N4BP1: variants seen among roughly 807,000 people sequenced by gnomAD.
The protein encoded by N4BP1 is NEDD4 binding protein 1.
N4BP1 carries 21 observed loss-of-function variants against 70.9 expected under a neutral mutation model. The ratio of observed to expected loss-of-function variants is 0.30; its 90% CI spans 0.21 to 0.43. N4BP1 has a LOEUF of 0.43. N4BP1 is among the 20% of genes least tolerant of loss of function. N4BP1 has a pLI of 1.00. For synonymous variants in N4BP1, 387 were observed against 394.6 expected, an observed-to-expected ratio of 0.98 and a Z score of 0.23; for missense variants, 936 against 1,069.4, an observed-to-expected ratio of 0.88 and a Z score of 1.74.
chr16:48,599,429 A>G (rs1307922915), intron 1 of N4BP1, among the ~76,000 whole-genome samples: 1 of 152,220 alleles, frequency 6.6e-6, no homozygotes, highest in Non-Finnish European at 1.5e-5. Flanking sequence ...AGTCCACATA[A>G]GCAGGAGAAA....
chr16:48,545,985 G>A (rs1963585729), intron 6 of N4BP1, 162 bp downstream of exon 6: 2 of 487,786 alleles, frequency 4.1e-6, no homozygotes, highest in Admixed American at 3.9e-5. Context: ...CCGAAATCAC[G>A]CCACTGCATT....
At chr16:48,592,205 G>C (rs933418149) in intron 1 of N4BP1, among the ~76,000 whole-genome samples, 1 of 152,106 alleles carries the variant, frequency 6.6e-6, no homozygotes, top group Non-Finnish European at 1.5e-5. Context: ...ATCTAGCCTG[G>C]GTGACAGGGC....
In N4BP1 at chr16:48,561,135, T is replaced by A; in HGVS notation, c.1508A>T (p.Glu503Val). 6.2e-7 allele frequency: 1 copy of A among 1,614,002 alleles called. No individual in the cohort carries two copies. The highest frequency in any genetic ancestry group is 8.5e-7 in the Non-Finnish European group (1 of 1,179,880). Residue 503 changes from glutamate (E) to valine (V), a missense_variant, in exon 2 of 7, where the codon GAA becomes GTA. Around this residue, in one of 4 missense-constraint regions of N4BP1, gnomAD observed 515 missense variants for 491.7 expected, o/e 1.05. Coordinates refer to ENST00000262384, the MANE Select transcript of N4BP1 (RefSeq NM_153029.4). The stretch of plus-strand genomic sequence containing the variant: ...AGCTCCCCTTGAAACAAAATTGACT[T>A]CTTTGGGACTTGGAGAGGCAACAGA... ...SPSVASPSPK[E>V]VNFVSRGASS... is the part of the protein sequence containing the mutation.
chr16:48,569,236 C>T (rs886874304), intron 1 of N4BP1, among the ~76,000 whole-genome samples: 12 of 152,186 alleles, frequency 7.9e-5, no homozygotes, highest in African/African-American at 2.2e-4. Context: ...TGCAAAATTA[C>T]GTTTTGAAAC....
Position 48,572,082 on chromosome 16 carries a change from C to T in N4BP1, c.199-9638G>A, listed in dbSNP as rs942629295. 5.9e-5 allele frequency among the ~76,000 whole-genome samples: 9 copies of T among 152,086 alleles called. No individual in the cohort carries two copies. The South Asian group carries it at 1.0e-3, about 18-fold the overall frequency. On this transcript the variant is annotated intron_variant, in intron 1 of 6. Coordinates refer to ENST00000262384, the MANE Select transcript of N4BP1 (RefSeq NM_153029.4). ...AGGCATGGTGGCATGTGCCTGTAGT[C>T]CCAGCCACCCGGAGACTGAGGTGAG...
intron 2 of N4BP1, among the ~76,000 whole-genome samples, chr16:48,560,184 C>T (rs565414569): frequency 6.6e-6 from 1 of 152,092 alleles, no homozygotes; most frequent in Non-Finnish European, 1.5e-5. Context: ...CTAGAAACAA[C>T]AGGTTCATTA....
chr16:48,561,144 C>T lies in N4BP1; in HGVS notation c.1499G>A (p.Ser500Asn), dbSNP rs745933167. The T allele has an allele frequency of 2.5e-6, 4 of 1,613,862 alleles. No homozygotes were observed. The highest frequency in any genetic ancestry group is 3.4e-6 in the Non-Finnish European group (4 of 1,179,894). Residue 500 changes from serine (S) to asparagine (N), a missense_variant, in exon 2 of 7, where the codon AGT (serine) becomes AAT (asparagine). By Grantham distance (46) the Ser-to-Asn change is conservative. Transcript: ENST00000262384. Reference sequence around the variant, plus strand: ...TGAAACAAAATTGACTTCTTTGGGACTTGGAGAGGCAACAGAAGGTGAAAG... The same window carrying T: ...TGAAACAAAATTGACTTCTTTGGGATTTGGAGAGGCAACAGAAGGTGAAAG... Reference protein sequence around the residue: ...DGLSPSVASPSPKEVNFVSRG... With the variant: ...DGLSPSVASPNPKEVNFVSRG...
chr16:48,550,999 A>T (rs1963658064), intron 4 of N4BP1, among the ~76,000 whole-genome samples: 1 of 152,178 alleles, frequency 6.6e-6, no homozygotes, highest in Admixed American at 6.5e-5. Flanking sequence ...TATTATGTAG[A>T]AGAAACCCTG....
intron 1 of N4BP1, among the ~76,000 whole-genome samples, chr16:48,579,679 C>CA (rs763939497): frequency 0.014 from 1,859 of 129,818 alleles, 18 homozygotes; most frequent in Non-Finnish European, 0.019. Context: ...AGAAAAATGA[C>CA]AAAAAAAAAA....
intron 6 of N4BP1, among the ~76,000 whole-genome samples, chr16:48,543,862 A>G (rs1963549347): frequency 1.3e-5 from 2 of 152,122 alleles, no homozygotes; most frequent in South Asian, 4.1e-4. Flanking sequence ...AGCTCAACTA[A>G]CTTCAACAGC....
In N4BP1 at chr16:48,542,018, A is replaced by G. The variant is rs1963506876; in HGVS notation, c.*886T>C. 1 of 152,684 alleles carries G rather than the reference A, an allele frequency of 6.5e-6. No individual in the cohort carries two copies. The highest frequency in any genetic ancestry group is 2.4e-5 in the African/African-American group (1 of 41,460). 9.5% of individuals were successfully genotyped at this position (152,684 alleles called of 1,614,324 possible). A position where few individuals can be genotyped will look rare whatever the true frequency, so the allele number is the denominator to read the frequency against. Reference sequence around the variant, plus strand: ...GGCCACAGTGACCGGGCTCTTCATTAAACTTCCTCATAACCCGCTACGGTG... The same window carrying G: ...GGCCACAGTGACCGGGCTCTTCATTGAACTTCCTCATAACCCGCTACGGTG... On this transcript the variant is annotated 3_prime_UTR_variant, in exon 7 of 7. Coordinates refer to ENST00000262384, the MANE Select transcript of N4BP1 (RefSeq NM_153029.4).
intron 2 of N4BP1, among the ~76,000 whole-genome samples, chr16:48,557,056 T>C (rs1963763862): frequency 6.6e-6 from 1 of 152,102 alleles, no homozygotes; most frequent in Non-Finnish European, 1.5e-5. Context: ...AAGAACAAGG[T>C]ATACAAAATT....
rs1047899553 is a variant in N4BP1, at chr16:48,542,770, AT to A, written c.*133del. ...GAAAACCCAGATTTATACCCAAAAC[AT>A]TTTTTTTCTGTACAACTGCGTTTAC... is the stretch of plus-strand genomic sequence containing the variant. On this transcript the variant is annotated 3_prime_UTR_variant, in exon 7 of 7. Coordinates refer to ENST00000262384, the MANE Select transcript of N4BP1 (RefSeq NM_153029.4). 17 of 790,728 alleles carry A rather than the reference AT, an allele frequency of 2.1e-5. No individual in the cohort carries two copies. The highest frequency in any genetic ancestry group is 7.2e-5 in the Admixed American group (2 of 27,934). 49.0% of individuals were successfully genotyped at this position (790,728 alleles called of 1,614,324 possible).
rs1963840655 is a variant in N4BP1, at chr16:48,560,675, A to G, written c.1889+79T>C. The G allele has an allele frequency of 4.7e-6, 7 of 1,495,644 alleles. No homozygotes were observed. In the South Asian group the frequency reaches 6.7e-5, roughly 14 times the overall value. The allele number at this position is 1,495,644 out of a possible 1,614,324, so 92.6% of individuals were successfully genotyped here. On this transcript the variant is annotated intron_variant, in intron 2 of 6. Coordinates refer to ENST00000262384, the MANE Select transcript of N4BP1 (RefSeq NM_153029.4). Reference sequence around the variant, plus strand: ...TCAACTATATACAACATGTATGTATAGTTCCCATATACATGTGATTCTGAG... The same window carrying G: ...TCAACTATATACAACATGTATGTATGGTTCCCATATACATGTGATTCTGAG...
chr16:48,610,109 C>A lies in N4BP1; in HGVS notation c.-137G>T. On this transcript the variant is annotated 5_prime_UTR_variant, in exon 1 of 7. Transcript: ENST00000262384. ...TCGCCCCCGCCCGCGCCCCGCCGCC[C>A]GCCCTCAGGCCCGGCTATACCATCC... The A allele has an allele frequency of 3.6e-6, 1 of 278,250 alleles. No individual in the cohort carries two copies. Among genetic ancestry groups the A allele is most frequent in the South Asian group, 1.3e-4 (1 of 7,966 alleles). 17.2% of individuals were successfully genotyped at this position (278,250 alleles called of 1,614,324 possible).
intron 1 of N4BP1, among the ~76,000 whole-genome samples, chr16:48,605,002 G>A (rs1324664593): frequency 6.6e-6 from 1 of 151,628 alleles, no homozygotes; most frequent in Non-Finnish European, 1.5e-5. Flanking sequence ...AGCATTCTGA[G>A]TTTGTGGTTC....
chr16:48,608,223 T>G (rs976857742), intron 1 of N4BP1, among the ~76,000 whole-genome samples: 2 of 152,176 alleles, frequency 1.3e-5, no homozygotes, highest in Non-Finnish European at 2.9e-5. Flanking sequence ...CAGGACAGTC[T>G]CAATCTCCTG....
intron 5 of N4BP1, 83 bp from the exon 6 acceptor site, chr16:48,546,337 A>T: frequency 1.1e-6 from 1 of 887,836 alleles, no homozygotes; most frequent in East Asian, 2.8e-5. Flanking sequence ...CAGCCACCTG[A>T]TGCCAAAGCA....
Position 48,592,556 on chromosome 16 carries a change from T to C in N4BP1, c.198+17219A>G, listed in dbSNP as rs147776416. 4.5e-3 allele frequency among the ~76,000 whole-genome samples: 678 copies of C among 152,314 alleles called. 2 individuals carry two copies. The highest frequency in any genetic ancestry group is 0.015 in the African/African-American group (641 of 41,578). On this transcript the variant is annotated intron_variant, in intron 1 of 6. Coordinates refer to ENST00000262384, the MANE Select transcript of N4BP1 (RefSeq NM_153029.4). ...CTGTGTATGTGTTGTGTGTGATGTT[T>C]ATATAAAAGAGCTCTAATTAACTAG...
Sources: gnomAD v4.1 joint callset for allele counts (sites outside exome capture counted in the v4.1 genomes callset) on GRCh38, gnomAD v4.1.1 for gene constraint, gnomAD v4.1.1 regional missense constraint, MANE v1.5 for transcripts, NCBI Gene and HGNC (gene_info 2026-07-23, HGNC 2026-07-21) for gene names.